Variants in RBFOX1 observed in about 807,000 individuals in gnomAD.
RBFOX1 encodes the protein RNA binding protein fox-1 homolog 1.
In RBFOX1, 8 loss-of-function variants were observed where a neutral mutation model predicts 57.7. The observed-to-expected ratio is 0.14, with a 90% CI of 0.08 to 0.25. RBFOX1 has a LOEUF of 0.25. Ranked by LOEUF, RBFOX1 falls within the 10% of genes least tolerant of loss-of-function variation. The pLI is 1.00. For synonymous variants in RBFOX1, 326 were observed against 222.4 expected (o/e 1.47, Z -4.15); for missense variants, 611 against 548.5 (o/e 1.11, Z -1.14).
At chr16:6,993,030 G>A (rs2091749970) in intron 3 of RBFOX1, among the ~76,000 whole-genome samples, 1 of 152,138 alleles carries the variant, frequency 6.6e-6, no homozygotes, top group Non-Finnish European at 1.5e-5. Flanking sequence ...ATTTCTGATA[G>A]ATTTTAATTT....
At chr16:6,561,454 A>C (rs748108602) in intron 2 of RBFOX1, among the ~76,000 whole-genome samples, 1 of 152,224 alleles carries the variant, frequency 6.6e-6, no homozygotes, top group Non-Finnish European at 1.5e-5. Flanking sequence ...AGGCTGTAAC[A>C]GTTCTGAGGA....
chr16:5,863,265 A>G (rs1355260901), intron 3 of RBFOX1, among the ~76,000 whole-genome samples: 1 of 152,234 alleles, frequency 6.6e-6, no homozygotes, highest in South Asian at 2.1e-4. Context: ...GGGATGGGAA[A>G]TAGCTGGAAC....
intron 4 of RBFOX1, among the ~76,000 whole-genome samples, chr16:7,358,645 C>A (rs1254850958): frequency 6.6e-6 from 1 of 152,140 alleles, no homozygotes; most frequent in East Asian, 1.9e-4. Flanking sequence ...GTCTCAAACT[C>A]CTGGCCTCAG....
chr16:7,678,138 TA>T (rs1254101895), intron 14 of RBFOX1, among the ~76,000 whole-genome samples: 3 of 152,190 alleles, frequency 2.0e-5, no homozygotes, highest in Non-Finnish European at 2.9e-5. Flanking sequence ...CATTTTCTTA[TA>T]AGCAGCCATA....
At chr16:7,246,633 C>CTTTTTTTTTTTTTTTTTTTTTTT (rs56654382) in intron 4 of RBFOX1, among the ~76,000 whole-genome samples, 2 of 105,500 alleles carry the variant, frequency 1.9e-5, no homozygotes, top group African/African-American at 8.6e-5. Flanking sequence ...TGGTCACCTC[C>CTTTTTTTTTTTTTTTTTTTTTTT]TTTTTTTTTT....
intron 3 of RBFOX1, among the ~76,000 whole-genome samples, chr16:6,907,077 G>A (rs915127243): frequency 6.6e-6 from 1 of 152,104 alleles, no homozygotes; most frequent in Non-Finnish European, 1.5e-5. Context: ...TGTCATCTCC[G>A]TATTCCAAGG....
chr16:6,543,958 C>G (rs930523818), intron 2 of RBFOX1, among the ~76,000 whole-genome samples: 2 of 152,150 alleles, frequency 1.3e-5, no homozygotes, highest in Admixed American at 6.5e-5. Flanking sequence ...GCTTTTAAAT[C>G]TAAGAAAGGT....
intron 1 of RBFOX1, among the ~76,000 whole-genome samples, chr16:5,329,253 T>C (rs2064676247): frequency 6.6e-6 from 1 of 152,170 alleles, no homozygotes; most frequent in Non-Finnish European, 1.5e-5. Context: ...AATTGTCTCA[T>C]GGTTCCACAG....
chr16:6,033,140 C>T (rs957144337), intron 1 of RBFOX1, among the ~76,000 whole-genome samples: 15 of 152,176 alleles, frequency 9.9e-5, no homozygotes, highest in African/African-American at 2.6e-4. Context: ...TTAGTTCCTC[C>T]GCAGACATTG....
At chr16:5,622,788 G>T (rs978321893) in intron 3 of RBFOX1, among the ~76,000 whole-genome samples, 1 of 152,150 alleles carries the variant, frequency 6.6e-6, no homozygotes, top group African/African-American at 2.4e-5. Flanking sequence ...CATATCTGGG[G>T]GTTTTGCATC....
chr16:6,599,612 G>A (rs2097824262), intron 2 of RBFOX1, among the ~76,000 whole-genome samples: 1 of 152,114 alleles, frequency 6.6e-6, no homozygotes, highest in African/African-American at 2.4e-5. Flanking sequence ...TGTAAATCAG[G>A]CTAATCTTTT....
chr16:6,068,139 T>C (rs972537844), intron 1 of RBFOX1, among the ~76,000 whole-genome samples: 1 of 152,190 alleles, frequency 6.6e-6, no homozygotes, highest in African/African-American at 2.4e-5. Flanking sequence ...AACATGGTTC[T>C]GTAGGGATGC....
intron 2 of RBFOX1, among the ~76,000 whole-genome samples, chr16:6,391,155 CAAG>C (rs1344767182): frequency 1.3e-5 from 2 of 152,076 alleles, no homozygotes; most frequent in Non-Finnish European, 2.9e-5. Context: ...GCCTTGCCTG[CAAG>C]AAGTTTGAGT....
intron 2 of RBFOX1, among the ~76,000 whole-genome samples, chr16:5,563,286 T>G (rs188133346): frequency 3.3e-5 from 5 of 152,344 alleles, no homozygotes; most frequent in African/African-American, 1.2e-4. Flanking sequence ...TCCTGACCCA[T>G]GTTCATTTCC....
At chr16:5,585,716 T>G (rs1384886270) in intron 2 of RBFOX1, among the ~76,000 whole-genome samples, 1 of 152,214 alleles carries the variant, frequency 6.6e-6, no homozygotes, top group African/African-American at 2.4e-5. Flanking sequence ...CTGCAGCATT[T>G]ATGCAGGGTG....
At chr16:6,359,399 G>T (rs1168941378) in intron 2 of RBFOX1, among the ~76,000 whole-genome samples, 1 of 152,126 alleles carries the variant, frequency 6.6e-6, no homozygotes, top group African/African-American at 2.4e-5. Flanking sequence ...GGCCTAAAAA[G>T]GGTCTTTTTG....
intron 2 of RBFOX1, among the ~76,000 whole-genome samples, chr16:6,637,921 G>A (rs185500074): frequency 1.1e-3 from 165 of 152,172 alleles, no homozygotes; most frequent in African/African-American, 3.5e-3. Context: ...ACCCAAAAAT[G>A]GTTAAAATGA....
intron 14 of RBFOX1, among the ~76,000 whole-genome samples, chr16:7,699,359 TATCTTAATTTTTTGA>T (rs1021799767): frequency 6.6e-6 from 1 of 152,162 alleles, no homozygotes; most frequent in Admixed American, 6.5e-5. Flanking sequence ...ACCCAGCTGA[TATCTTAATTTTTTGA>T]AGAAATGGGG....
chr16:5,608,741 C>T (rs1278560875), intron 3 of RBFOX1, among the ~76,000 whole-genome samples: 1 of 152,196 alleles, frequency 6.6e-6, no homozygotes, highest in Non-Finnish European at 1.5e-5. Flanking sequence ...CACTGCTTAA[C>T]TCTCCCTCCC....
Sources: gnomAD v4.1 joint callset for allele counts (sites outside exome capture counted in the v4.1 genomes callset) on GRCh38, gnomAD v4.1.1 for gene constraint, MANE v1.5 for transcripts, NCBI Gene and HGNC (gene_info 2026-07-23, HGNC 2026-07-21) for gene names.